RETREG1: variants seen among roughly 807,000 people sequenced by gnomAD.
The protein encoded by RETREG1 is reticulophagy regulator 1.
A neutral mutation model predicts 54.8 loss-of-function variants in RETREG1; 44 were observed. That is an observed-to-expected ratio of 0.80 (90% CI 0.63 to 1.03). RETREG1 has a LOEUF of 1.03. Ranked by LOEUF, RETREG1 falls within the 50% of genes least tolerant of loss-of-function variation. The pLI is 0.00. For missense variants in RETREG1, 554 were observed against 605.1 expected (o/e 0.92, Z 0.89); for synonymous variants, 217 against 238.5 (o/e 0.91, Z 0.83).
rs1319887417 is a variant in RETREG1 at position 16,594,416 on chromosome 5, A to T, written c.320+22236T>A. On this transcript the variant is annotated intron_variant, in intron 1 of 8. Coordinates refer to ENST00000306320, the MANE Select transcript of RETREG1 (RefSeq NM_001034850.3). The surrounding 1 kb of genome is among the most constrained non-coding windows in gnomAD (Gnocchi z 4.4). Reference sequence around the variant, plus strand: ...TGTAGACAACTTTTATAAGAAAAAAAGTTAAACGCTTAACATAGCATTTTT... The same window carrying T: ...TGTAGACAACTTTTATAAGAAAAAATGTTAAACGCTTAACATAGCATTTTT... 1.3e-5 allele frequency among the ~76,000 whole-genome samples: 2 copies of T among 152,304 alleles called. No individual in the cohort carries two copies. Among genetic ancestry groups the T allele is most frequent in the South Asian group, 2.1e-4 (1 of 4,828 alleles).
At chr5:16,607,122 T>C (rs566745465) in intron 1 of RETREG1, among the ~76,000 whole-genome samples, 23 of 152,348 alleles carry the variant, frequency 1.5e-4, no homozygotes, top group Middle Eastern at 3.4e-3. Flanking sequence ...CCCAACAAAG[T>C]AGTAACTTCT....
chr5:16,537,684 A>T (rs1050675301), intron 3 of RETREG1, among the ~76,000 whole-genome samples: 4 of 152,108 alleles, frequency 2.6e-5, no homozygotes, highest in African/African-American at 7.2e-5. Flanking sequence ...GGGACAGAGC[A>T]AGACTCTGTC....
chr5:16,616,596 G>A, intron 1 of RETREG1, 56 bp downstream of exon 1: 1 of 1,540,286 alleles, frequency 6.5e-7, no homozygotes, highest in South Asian at 1.2e-5. Context: ...CCGGGGCCCC[G>A]GGCGCCCCAA....
At chr5:16,556,005 T>C (rs947426478) in intron 3 of RETREG1, among the ~76,000 whole-genome samples, 2 of 152,076 alleles carry the variant, frequency 1.3e-5, no homozygotes, top group Non-Finnish European at 2.9e-5. Flanking sequence ...GCATTTCAAA[T>C]CCATAATAAC....
chr5:16,500,672 C>T lies in RETREG1; in HGVS notation c.459-17200G>A, dbSNP rs1385479843. Among the ~76,000 whole-genome samples the T allele has an allele frequency of 5.3e-5, 8 of 152,138 alleles. 1 individual carries two copies. The highest frequency in any genetic ancestry group is 5.2e-4 in the Admixed American group (8 of 15,268). Reference sequence around the variant, plus strand: ...GCCTGAAATTCTCCGTGTGGGTACTCATCTCTCTATAAGATGCACTGGGCA... The same window carrying T: ...GCCTGAAATTCTCCGTGTGGGTACTTATCTCTCTATAAGATGCACTGGGCA... On this transcript the variant is annotated intron_variant, in intron 3 of 8. Coordinates refer to ENST00000306320, the MANE Select transcript of RETREG1 (RefSeq NM_001034850.3).
At chr5:16,540,855 CTA>C (rs1741219387) in intron 3 of RETREG1, among the ~76,000 whole-genome samples, 1 of 152,194 alleles carries the variant, frequency 6.6e-6, no homozygotes, top group Admixed American at 6.5e-5. Context: ...ATCTTTTCCA[CTA>C]TGTCTATGTT....
chr5:16,582,748 A>G (rs191744543), intron 1 of RETREG1, among the ~76,000 whole-genome samples: 1 of 152,310 alleles, frequency 6.6e-6, no homozygotes, highest in African/African-American at 2.4e-5. Flanking sequence ...TTTCCTATCA[A>G]ATTCCAGGCT....
chr5:16,579,918 C>T (rs535036008), intron 1 of RETREG1, among the ~76,000 whole-genome samples: 6 of 152,316 alleles, frequency 3.9e-5, no homozygotes, highest in African/African-American at 1.4e-4. Flanking sequence ...TAAACATCCA[C>T]GTGCAGGATT....
intron 3 of RETREG1, among the ~76,000 whole-genome samples, chr5:16,528,298 A>G (rs1740785299): frequency 6.6e-6 from 1 of 152,218 alleles, no homozygotes; most frequent in African/African-American, 2.4e-5. Context: ...TATTAACATA[A>G]CTAAATTAAC....
chr5:16,538,408 A>G (rs1741135957), intron 3 of RETREG1, among the ~76,000 whole-genome samples: 1 of 152,212 alleles, frequency 6.6e-6, no homozygotes, highest in South Asian at 2.1e-4. Context: ...GATAACAGAT[A>G]ATAATGATGA....
intron 3 of RETREG1, among the ~76,000 whole-genome samples, chr5:16,553,323 G>A (rs1213405756): frequency 1.3e-4 from 7 of 54,756 alleles, no homozygotes; most frequent in Admixed American, 3.4e-4. Flanking sequence ...TTTAAAAAAC[G>A]TGTAAGAAAA....
chr5:16,520,876 G>T (rs1218456333), intron 3 of RETREG1, among the ~76,000 whole-genome samples: 1 of 152,112 alleles, frequency 6.6e-6, no homozygotes, highest in Non-Finnish European at 1.5e-5. Context: ...GCAGGAGGTG[G>T]CAGGGAATTC....
chr5:16,535,654 C>T (rs1317997931), intron 3 of RETREG1, among the ~76,000 whole-genome samples: 9 of 136,692 alleles, frequency 6.6e-5, no homozygotes, highest in Admixed American at 2.2e-4. Flanking sequence ...TGTGTGCACG[C>T]TGCCTTCACA....
Position 16,483,345 on chromosome 5 carries a change from C to G in RETREG1, c.585+1G>C. On this transcript the variant is annotated splice_donor_variant, in intron 4 of 8. Coordinates refer to ENST00000306320, the MANE Select transcript of RETREG1 (RefSeq NM_001034850.3). LOFTEE classifies it high-confidence loss of function. ...ACATACTCCTTTACTGGAAAACTTG[C>G]CTTGCCAGGGCTCTGCTGTTTAAAA... The G allele has an allele frequency of 3.1e-6, 5 of 1,613,112 alleles. No homozygotes were observed. Among genetic ancestry groups the G allele is most frequent in the Non-Finnish European group, 3.4e-6 (4 of 1,179,220 alleles).
rs1294745865 is a variant in RETREG1, at chr5:16,537,768, TGCAGC to T, written c.458+27990_458+27994del. On this transcript the variant is annotated intron_variant, in intron 3 of 8. Transcript: ENST00000306320. ...GGCAGGAGAAAGAGGGTCAGCACCATGCAGCATGCAGCATGCAGCATGCAGCACAG... is the reference window on the plus strand; with the variant it reads ...GGCAGGAGAAAGAGGGTCAGCACCATATGCAGCATGCAGCATGCAGCACAG... Among the ~76,000 whole-genome samples the T allele has an allele frequency of 1.6e-4, 7 of 42,516 alleles. 1 individual carries two copies. In the East Asian group the frequency reaches 4.0e-3, roughly 24 times the overall value. The allele number at this position is 42,516 out of a possible 152,430, so 27.9% of individuals were successfully genotyped here. A position where few individuals can be genotyped will look rare whatever the true frequency, so the allele number is the denominator to read the frequency against.
At chr5:16,536,033 G>A (rs1187965558) in intron 3 of RETREG1, among the ~76,000 whole-genome samples, 1 of 152,112 alleles carries the variant, frequency 6.6e-6, no homozygotes, top group Non-Finnish European at 1.5e-5. Context: ...CAAAGTGGGA[G>A]CTGGAGCTAC....
intron 1 of RETREG1, 52 bp downstream of exon 1, chr5:16,616,600 G>A: frequency 6.5e-7 from 1 of 1,542,894 alleles, no homozygotes; most frequent in Non-Finnish European, 8.7e-7. Flanking sequence ...GGCCCCGGGC[G>A]CCCCAAGGTC....
chr5:16,504,785 T>A (rs141668940), intron 3 of RETREG1, among the ~76,000 whole-genome samples: 1 of 152,174 alleles, frequency 6.6e-6, no homozygotes, highest in African/African-American at 2.4e-5. Context: ...AAAGGCCACA[T>A]ACGACCTTTT....
At chr5:16,510,822 A>C (rs967592751) in intron 3 of RETREG1, among the ~76,000 whole-genome samples, 15 of 145,526 alleles carry the variant, frequency 1.0e-4, no homozygotes, top group South Asian at 2.2e-4. Flanking sequence ...CAACAACAAA[A>C]AAAAAAAAAA....
Sources: allele counts gnomAD v4.1 joint callset (sites outside exome capture counted in the v4.1 genomes callset), GRCh38; gene constraint gnomAD v4.1.1; non-coding constraint Gnocchi (gnomAD v3.1); transcripts MANE v1.5; gene names NCBI Gene and HGNC (gene_info 2026-07-23, HGNC 2026-07-21).